Variants in SGCZ observed in about 807,000 individuals in gnomAD.
SGCZ encodes zeta-sarcoglycan.
SGCZ carries 40 observed loss-of-function variants against 41.3 expected under a neutral mutation model. That is an observed-to-expected ratio of 0.97 (90% CI 0.75 to 1.26). The LOEUF (loss-of-function observed/expected upper bound fraction) is 1.26, where lower values mean the gene tolerates loss of function less well. Ranked by LOEUF, SGCZ falls within the 50% of genes most tolerant of loss-of-function variation. SGCZ has a pLI of 0.00. For missense variants in SGCZ, 552 were observed against 369.8 expected, an observed-to-expected ratio of 1.49 and a Z score of -4.04; for synonymous variants, 206 against 137.5, an observed-to-expected ratio of 1.50 and a Z score of -3.49.
chr8:14,708,568 G>C (rs1030707986), intron 1 of SGCZ, among the ~76,000 whole-genome samples: 1 of 151,768 alleles, frequency 6.6e-6, no homozygotes, highest in East Asian at 1.9e-4. Flanking sequence ...ACATGCCTGA[G>C]CCTGTCCCTG....
intron 3 of SGCZ, among the ~76,000 whole-genome samples, chr8:14,315,657 T>C (rs1453622064): frequency 6.6e-6 from 1 of 152,014 alleles, no homozygotes; most frequent in East Asian, 1.9e-4. Context: ...AAACACTTGA[T>C]AATAACTTCA....
In SGCZ at chr8:15,085,098, T is replaced by G. The variant is rs191410662; in HGVS notation, c.39+152487A>C. 4.0e-3 allele frequency among the ~76,000 whole-genome samples: 605 copies of G among 152,270 alleles called. 4 individuals carry two copies. Among genetic ancestry groups the G allele is most frequent in the African/African-American group, 0.014 (581 of 41,564 alleles). On this transcript the variant is annotated intron_variant, in intron 1 of 7. Transcript: ENST00000382080. ...ATCTATGCAGTCAATTATCCTGGCT[T>G]TGATGAAGAAAATGAGGCCTCAGAG...
At position 14,136,735 on chromosome 8, in the gene SGCZ, C is replaced by T. The variant is rs531520426; in HGVS notation, c.547+27845G>A. ...CCTCTGGGGGCAGGACATAGCTGAA[C>T]AAAAGGCAGCAGAAACTTCTGCAGA... On this transcript the variant is annotated intron_variant, in intron 5 of 7. Transcript: ENST00000382080. Among the ~76,000 whole-genome samples, 4 of 152,300 alleles carry T rather than the reference C, an allele frequency of 2.6e-5. No homozygotes were observed. In the South Asian group the frequency reaches 8.3e-4, roughly 32 times the overall value.
chr8:14,461,328 C>T (rs1281797566), intron 2 of SGCZ, among the ~76,000 whole-genome samples: 2 of 152,104 alleles, frequency 1.3e-5, no homozygotes, highest in Non-Finnish European at 2.9e-5. Flanking sequence ...GTTCTATACA[C>T]AATGAATATA....
rs148980117 is a variant in SGCZ, at chr8:14,357,214, C to T, written c.235-33010G>A. On this transcript the variant is annotated intron_variant, in intron 2 of 7. Transcript: ENST00000382080. ...TTTCAAATACTGCTAAATCATATAA[C>T]GAATCTCATCAGTGTTTGATCACAC... is the stretch of plus-strand genomic sequence containing the variant. Among the ~76,000 whole-genome samples, 47 of 152,166 alleles carry T rather than the reference C, an allele frequency of 3.1e-4. 1 individual carries two copies. In the East Asian group the frequency reaches 6.0e-3, roughly 19 times the overall value.
chr8:15,179,673 T>C (rs1162263472), intron 1 of SGCZ, among the ~76,000 whole-genome samples: 1 of 152,176 alleles, frequency 6.6e-6, no homozygotes, highest in African/African-American at 2.4e-5. Context: ...GAGTACTGTT[T>C]TGGTATAACC....
chr8:14,775,574 G>A (rs1018601395), intron 1 of SGCZ, among the ~76,000 whole-genome samples: 12 of 150,906 alleles, frequency 8.0e-5, no homozygotes, highest in South Asian at 6.3e-4. Flanking sequence ...TATTTATAAC[G>A]AATTAATAAA....
chr8:15,056,450 G>C (rs1804705867), intron 1 of SGCZ, among the ~76,000 whole-genome samples: 1 of 151,932 alleles, frequency 6.6e-6, no homozygotes, highest in African/African-American at 2.4e-5. Context: ...CAGGCCCATT[G>C]TAAGTTGAAC....
At chr8:14,242,385 G>T (rs1401008485) in intron 3 of SGCZ, among the ~76,000 whole-genome samples, 1 of 152,124 alleles carries the variant, frequency 6.6e-6, no homozygotes, top group Non-Finnish European at 1.5e-5. Flanking sequence ...TCCACGAAGG[G>T]TCAAGATAAT....
At chr8:14,499,217 T>G (rs1263124320) in intron 2 of SGCZ, among the ~76,000 whole-genome samples, 3 of 152,052 alleles carry the variant, frequency 2.0e-5, no homozygotes, top group African/African-American at 7.2e-5. Context: ...CAAATTTTAC[T>G]TTATATATGC....
At chr8:14,882,263 A>T (rs1266266193) in intron 1 of SGCZ, among the ~76,000 whole-genome samples, 1 of 152,176 alleles carries the variant, frequency 6.6e-6, no homozygotes, top group Non-Finnish European at 1.5e-5. Flanking sequence ...AACAGAAGTC[A>T]TTCCTTGAGG....
At chr8:14,124,711 A>AT (rs1802800612) in intron 5 of SGCZ, among the ~76,000 whole-genome samples, 1 of 152,182 alleles carries the variant, frequency 6.6e-6, no homozygotes. Context: ...AGAAAGTTAC[A>AT]TATTTAATAT....
intron 1 of SGCZ, among the ~76,000 whole-genome samples, chr8:15,150,361 G>C (rs988315232): frequency 6.6e-6 from 1 of 152,134 alleles, no homozygotes; most frequent in African/African-American, 2.4e-5. Flanking sequence ...AAGTCAGTCG[G>C]TTATTTAATG....
intron 1 of SGCZ, among the ~76,000 whole-genome samples, chr8:14,700,922 G>C (rs189409904): frequency 6.6e-6 from 1 of 151,786 alleles, no homozygotes; most frequent in Non-Finnish European, 1.5e-5. Flanking sequence ...AAAGGGGGAA[G>C]GTTAGTAGGT....
chr8:14,353,685 G>T (rs1803183489), intron 2 of SGCZ, among the ~76,000 whole-genome samples: 1 of 151,810 alleles, frequency 6.6e-6, no homozygotes, highest in Admixed American at 6.6e-5. Context: ...CTGAAATATT[G>T]TGATAACCTT....
At chr8:14,287,586 G>A (rs931121671) in intron 3 of SGCZ, among the ~76,000 whole-genome samples, 4 of 152,044 alleles carry the variant, frequency 2.6e-5, no homozygotes, top group African/African-American at 9.7e-5. Context: ...CTTTGAACTA[G>A]CATTGCCATC....
At chr8:14,696,812 A>T (rs1808978749) in intron 1 of SGCZ, among the ~76,000 whole-genome samples, 1 of 151,724 alleles carries the variant, frequency 6.6e-6, no homozygotes. Context: ...ACACCTTTAA[A>T]GTCCAGAAGG....
intron 1 of SGCZ, among the ~76,000 whole-genome samples, chr8:14,834,229 C>T (rs556411078): frequency 6.6e-6 from 1 of 152,158 alleles, no homozygotes; most frequent in South Asian, 2.1e-4. Flanking sequence ...ATAAATTAAT[C>T]ATTACCTGAA....
chr8:14,441,762 A>G (rs933822196), intron 2 of SGCZ, among the ~76,000 whole-genome samples: 1 of 151,956 alleles, frequency 6.6e-6, no homozygotes, highest in African/African-American at 2.4e-5. Context: ...ACGGTACATC[A>G]TTTTGCTTAA....
Sources: gnomAD v4.1 joint callset for allele counts (sites outside exome capture counted in the v4.1 genomes callset) on GRCh38, gnomAD v4.1.1 for gene constraint, MANE v1.5 for transcripts, NCBI Gene and HGNC (gene_info 2026-07-23, HGNC 2026-07-21) for gene names.